TNR: variants seen among roughly 807,000 people sequenced by gnomAD.
TNR encodes tenascin-R.
TNR carries 45 observed loss-of-function variants against 150.4 expected under a neutral mutation model. The ratio of observed to expected loss-of-function variants is 0.30; its 90% CI spans 0.24 to 0.38. The LOEUF is 0.38. Ranked by LOEUF, TNR falls within the 10% of genes least tolerant of loss-of-function variation. The probability of loss-of-function intolerance (pLI) is 1.00; values close to 1 mark genes in which losing one functional copy is unlikely to be tolerated. For synonymous variants in TNR, 687 were observed against 678.4 expected, an observed-to-expected ratio of 1.01 and a Z score of -0.20; for missense variants, 1,544 against 1,759.1, an observed-to-expected ratio of 0.88 and a Z score of 2.19.
intron 1 of TNR, among the ~76,000 whole-genome samples, chr1:175,680,949 C>T (rs760161718): frequency 2.0e-5 from 3 of 152,206 alleles, no homozygotes; most frequent in Non-Finnish European, 2.9e-5. Flanking sequence ...GTTGGAACCA[C>T]TCTGAACCTC....
intron 1 of TNR, among the ~76,000 whole-genome samples, chr1:175,546,982 C>T (rs1206347773): frequency 6.6e-6 from 1 of 152,062 alleles, no homozygotes; most frequent in Non-Finnish European, 1.5e-5. Context: ...TCACTTTCCC[C>T]CTTCCTTCTT....
At chr1:175,660,326 C>A (rs552665631) in intron 1 of TNR, among the ~76,000 whole-genome samples, 1 of 152,216 alleles carries the variant, frequency 6.6e-6, no homozygotes, top group African/African-American at 2.4e-5. Context: ...TGCCCCAGCC[C>A]GCACATGGGC....
intron 1 of TNR, among the ~76,000 whole-genome samples, chr1:175,622,103 G>A (rs1663996272): frequency 6.6e-6 from 1 of 152,226 alleles, no homozygotes; most frequent in South Asian, 2.1e-4. Context: ...TTGGGTAAAT[G>A]TTAGGTATTA....
intron 12 of TNR, 132 bp from the exon 13 acceptor site, chr1:175,363,959 G>T (rs1207124746): frequency 2.6e-6 from 3 of 1,134,836 alleles, no homozygotes; most frequent in African/African-American, 3.2e-5. Flanking sequence ...ATGTAATAGG[G>T]TATCTTAAAA....
chr1:175,728,431 C>T lies in TNR; in HGVS notation c.-165+14795G>A, dbSNP rs1031704589. Among the ~76,000 whole-genome samples the T allele has an allele frequency of 2.6e-5, 4 of 152,208 alleles. No individual in the cohort carries two copies. In the East Asian group the frequency reaches 5.8e-4, roughly 22 times the overall value. On this transcript the variant is annotated intron_variant, in intron 1 of 22. Coordinates refer to ENST00000367674, the MANE Select transcript of TNR (RefSeq NM_003285.3). ...AAATTTGAGGGTCCTAACGCCTGCT[C>T]TTCTGATCCTGTGTACCATCTGTCC...
intron 2 of TNR, among the ~76,000 whole-genome samples, chr1:175,460,114 T>C (rs971941843): frequency 4.0e-5 from 6 of 151,896 alleles, no homozygotes; most frequent in Admixed American, 2.0e-4. Flanking sequence ...GTTAATCTGG[T>C]TTTTCCCCTG....
At chr1:175,574,907 AC>A (rs1662039125) in intron 1 of TNR, among the ~76,000 whole-genome samples, 1 of 152,242 alleles carries the variant, frequency 6.6e-6, no homozygotes, top group Admixed American at 6.5e-5. Context: ...TTTACTGAGT[AC>A]CTATTATGTA....
intron 19 of TNR, 101 bp from the exon 20 acceptor site, chr1:175,335,908 G>T (rs1355706351): frequency 1.9e-6 from 2 of 1,026,824 alleles, no homozygotes; most frequent in Non-Finnish European, 1.4e-6. Context: ...TGATATAACT[G>T]GGTTTTATAT....
At chr1:175,602,756 T>C (rs558955764) in intron 1 of TNR, among the ~76,000 whole-genome samples, 23 of 152,244 alleles carry the variant, frequency 1.5e-4, no homozygotes, top group Non-Finnish European at 3.1e-4. Context: ...GTGCTCATTT[T>C]ATCCCCAGAA....
chr1:175,407,338 A>G (rs1654011995), intron 2 of TNR, among the ~76,000 whole-genome samples: 1 of 152,256 alleles, frequency 6.6e-6, no homozygotes, highest in African/African-American at 2.4e-5. Context: ...AACCTTGGGT[A>G]CATTTGTGAT....
intron 1 of TNR, among the ~76,000 whole-genome samples, chr1:175,709,266 G>C (rs1666927421): frequency 6.6e-6 from 1 of 150,624 alleles, no homozygotes; most frequent in Non-Finnish European, 1.5e-5. Context: ...TTGTAATACA[G>C]CCAAAATTGG....
chr1:175,731,165 G>A (rs1057500076), intron 1 of TNR, among the ~76,000 whole-genome samples: 15 of 152,226 alleles, frequency 9.9e-5, no homozygotes, highest in African/African-American at 3.4e-4. Flanking sequence ...TCTGTCTTCT[G>A]GCCATTGGAA....
chr1:175,317,466 G>A lies in TNR; in HGVS notation c.*5891C>T, dbSNP rs1291870977. ...GTGCTCCATGTCAGAATATTAAAGAGCAACACAGGGTCTCCCTAGGGGCTG... is the reference window on the plus strand; with the variant it reads ...GTGCTCCATGTCAGAATATTAAAGAACAACACAGGGTCTCCCTAGGGGCTG... On this transcript the variant is annotated 3_prime_UTR_variant, in exon 23 of 23. Transcript: ENST00000367674. 4 of 152,304 alleles carry A rather than the reference G, an allele frequency of 2.6e-5. No homozygotes were observed. Among genetic ancestry groups the A allele is most frequent in the Admixed American group, 6.5e-5 (1 of 15,292 alleles). The allele number at this position is 152,304 out of a possible 1,614,324, so 9.4% of individuals were successfully genotyped here. A position where few individuals can be genotyped will look rare whatever the true frequency, so the allele number is the denominator to read the frequency against.
Position 175,403,553 on chromosome 1 carries a change from C to A in TNR, c.563G>T (p.Cys188Phe). The A allele has an allele frequency of 6.2e-7, 1 of 1,614,172 alleles. No individual in the cohort carries two copies. The highest frequency in any genetic ancestry group is 8.5e-7 in the Non-Finnish European group (1 of 1,180,038). The change falls in exon 4 of 23, where the codon TGC becomes TTC. Residue 188 changes from cysteine to phenylalanine, a missense_variant. Coordinates refer to ENST00000367674, the MANE Select transcript of TNR (RefSeq NM_003285.3). ...GCCAAACCAGCCTTCGTTGCAGATG[C>A]AGCCACAGGACTCAAAGCTAAAGTT... ...HGNFSFESCG[C>F]ICNEGWFGKN...
intron 21 of TNR, among the ~76,000 whole-genome samples, chr1:175,326,911 C>T (rs749164785): frequency 6.6e-6 from 1 of 151,812 alleles, no homozygotes; most frequent in Non-Finnish European, 1.5e-5. Context: ...CATGATCTGC[C>T]CGCCTCGGCC....
At chr1:175,616,417 G>C (rs1193724833) in intron 1 of TNR, among the ~76,000 whole-genome samples, 1 of 152,176 alleles carries the variant, frequency 6.6e-6, no homozygotes, top group African/African-American at 2.4e-5. Context: ...CTGGCAGCTG[G>C]CGGGTGATGC....
At chr1:175,677,953 C>G (rs897709573) in intron 1 of TNR, among the ~76,000 whole-genome samples, 1 of 147,050 alleles carries the variant, frequency 6.8e-6, no homozygotes, top group Non-Finnish European at 1.5e-5. Context: ...TAAGTGCCAG[C>G]AGGAATGAGT....
chr1:175,359,485 G>A, intron 15 of TNR, 127 bp downstream of exon 15: 1 of 1,471,792 alleles, frequency 6.8e-7, no homozygotes, highest in Non-Finnish European at 9.3e-7. Context: ...TAGTATACCT[G>A]AAGTAGGAAC....
chr1:175,677,179 C>T (rs1571742093), intron 1 of TNR, among the ~76,000 whole-genome samples: 1 of 152,222 alleles, frequency 6.6e-6, no homozygotes, highest in East Asian at 1.9e-4. Context: ...CACTGCTGTT[C>T]CTTAACTGCC....
Sources: allele counts gnomAD v4.1 joint callset (sites outside exome capture counted in the v4.1 genomes callset), GRCh38; gene constraint gnomAD v4.1.1; transcripts MANE v1.5; gene names NCBI Gene and HGNC (gene_info 2026-07-23, HGNC 2026-07-21).